Variants in SPOCK1 observed in about 807,000 individuals in gnomAD.
The protein encoded by SPOCK1 is testican-1.
A neutral mutation model predicts 55.3 loss-of-function variants in SPOCK1; 23 were observed. The observed-to-expected ratio is 0.42, with a 90% CI of 0.30 to 0.59. The LOEUF (loss-of-function observed/expected upper bound fraction) is 0.59. SPOCK1 is among the 20% of genes least tolerant of loss of function. The pLI is 0.22. For missense variants in SPOCK1, 499 were observed against 552.5 expected, an observed-to-expected ratio of 0.90 and a Z score of 0.97; for synonymous variants, 226 against 221.0, an observed-to-expected ratio of 1.02 and a Z score of -0.20.
At chr5:137,151,360 G>A (rs1202787622) in intron 3 of SPOCK1, among the ~76,000 whole-genome samples, 2 of 152,168 alleles carry the variant, frequency 1.3e-5, no homozygotes, top group Non-Finnish European at 2.9e-5. Context: ...ATATAAACTT[G>A]TATAGAAGAG....
intron 2 of SPOCK1, among the ~76,000 whole-genome samples, chr5:137,268,627 G>C (rs1756902645): frequency 6.6e-6 from 1 of 152,178 alleles, no homozygotes; most frequent in Non-Finnish European, 1.5e-5. Context: ...GATGACCAAA[G>C]TGTTCTTAGC....
chr5:137,335,054 G>A (rs1327722428), intron 2 of SPOCK1, among the ~76,000 whole-genome samples: 1 of 152,242 alleles, frequency 6.6e-6, no homozygotes, highest in African/African-American at 2.4e-5. Flanking sequence ...GTTGCCTGGG[G>A]TTAGGGTACA....
intron 2 of SPOCK1, among the ~76,000 whole-genome samples, chr5:137,369,198 C>T (rs1751144080): frequency 6.6e-6 from 1 of 152,222 alleles, no homozygotes; most frequent in South Asian, 2.1e-4. Context: ...GGTGTCTGGA[C>T]AGCAGAGGAA....
At chr5:137,179,902 C>T (rs1273037305) in intron 3 of SPOCK1, among the ~76,000 whole-genome samples, 1 of 152,200 alleles carries the variant, frequency 6.6e-6, no homozygotes, top group Non-Finnish European at 1.5e-5. Flanking sequence ...CAGGCCCCAA[C>T]CCCTCCTACC....
At chr5:137,352,989 T>C (rs1333693623) in intron 2 of SPOCK1, among the ~76,000 whole-genome samples, 1 of 151,848 alleles carries the variant, frequency 6.6e-6, no homozygotes, top group East Asian at 1.9e-4. Context: ...ATCTTTGCAG[T>C]TCTGGATTTA....
At chr5:137,431,885 G>T (rs1464318567) in intron 2 of SPOCK1, among the ~76,000 whole-genome samples, 2 of 152,086 alleles carry the variant, frequency 1.3e-5, no homozygotes, top group Non-Finnish European at 2.9e-5. Context: ...CCCCGTCTTT[G>T]GTATTCTATC....
At chr5:137,382,458 T>A (rs533512799) in intron 2 of SPOCK1, among the ~76,000 whole-genome samples, 54 of 152,314 alleles carry the variant, frequency 3.5e-4, no homozygotes, top group Non-Finnish European at 6.5e-4. Context: ...TTCACACTGA[T>A]ATAAAGAACT....
At chr5:137,199,856 G>A (rs1755382247) in intron 3 of SPOCK1, among the ~76,000 whole-genome samples, 1 of 152,222 alleles carries the variant, frequency 6.6e-6, no homozygotes, top group East Asian at 1.9e-4. Context: ...CATCAACACA[G>A]AAGCCTCTAA....
chr5:137,421,540 A>G (rs1752495123), intron 2 of SPOCK1, among the ~76,000 whole-genome samples: 1 of 152,080 alleles, frequency 6.6e-6, no homozygotes, highest in African/African-American at 2.4e-5. Context: ...TGATCCCTTT[A>G]TGATTATGTA....
At chr5:136,979,787 C>G (rs1302804632) in intron 9 of SPOCK1, among the ~76,000 whole-genome samples, 2 of 152,152 alleles carry the variant, frequency 1.3e-5, no homozygotes, top group African/African-American at 4.8e-5. Context: ...TGCAGAATCT[C>G]TTATTCCCAC....
chr5:137,030,379 A>G (rs3860102), intron 6 of SPOCK1, among the ~76,000 whole-genome samples: 128,476 of 152,294 alleles, frequency 0.84, 54,729 homozygotes, highest in South Asian at 0.95. Flanking sequence ...TGACTACGCC[A>G]TGGCAATTCG....
rs1005152831 is a variant in SPOCK1 at position 137,397,741 on chromosome 5, G to C, written c.186+100632C>G. Among the ~76,000 whole-genome samples the C allele has an allele frequency of 3.3e-5, 5 of 152,124 alleles. No individual in the cohort carries two copies. In the East Asian group the frequency reaches 9.6e-4, roughly 29 times the overall value. ...TGAGATTCATGTCCTTCTCCATCAA[G>C]TGAGAATAACACTAATACAGACTAC... On this transcript the variant is annotated intron_variant, in intron 2 of 10. Coordinates refer to ENST00000394945, the MANE Select transcript of SPOCK1 (RefSeq NM_004598.4).
At chr5:137,093,382 T>A (rs560811357) in intron 5 of SPOCK1, among the ~76,000 whole-genome samples, 67 of 152,310 alleles carry the variant, frequency 4.4e-4, no homozygotes, top group South Asian at 4.1e-4. Flanking sequence ...CCTGGCACAT[T>A]ATGAGAACTA....
At chr5:137,218,728 G>A (rs977799841) in intron 3 of SPOCK1, among the ~76,000 whole-genome samples, 5 of 152,152 alleles carry the variant, frequency 3.3e-5, no homozygotes, top group Non-Finnish European at 7.4e-5. Context: ...GAGTCCTATA[G>A]TAGCTAGTCA....
At chr5:137,370,817 T>C (rs1751185520) in intron 2 of SPOCK1, among the ~76,000 whole-genome samples, 1 of 152,236 alleles carries the variant, frequency 6.6e-6, no homozygotes, top group Non-Finnish European at 1.5e-5. Flanking sequence ...GCAAAGTTAA[T>C]GCATTTGTCA....
intron 3 of SPOCK1, among the ~76,000 whole-genome samples, chr5:137,224,959 C>T (rs1434631): frequency 0.39 from 59,835 of 151,842 alleles, 12,870 homozygotes; most frequent in Non-Finnish European, 0.47. Flanking sequence ...TAAAATAGCT[C>T]ACTTCATTTT....
intron 2 of SPOCK1, among the ~76,000 whole-genome samples, chr5:137,366,591 C>T (rs1189997784): frequency 1.3e-5 from 2 of 152,186 alleles, no homozygotes; most frequent in South Asian, 2.1e-4. Flanking sequence ...AGTCCTGCCC[C>T]ACCCCACCCA....
At chr5:137,152,377 G>C (rs1406677225) in intron 3 of SPOCK1, among the ~76,000 whole-genome samples, 1 of 152,184 alleles carries the variant, frequency 6.6e-6, no homozygotes, top group East Asian at 1.9e-4. Context: ...CATTAGCTAA[G>C]ATAAGGGCTA....
At chr5:137,415,308 G>C (rs981626952) in intron 2 of SPOCK1, among the ~76,000 whole-genome samples, 7 of 152,174 alleles carry the variant, frequency 4.6e-5, no homozygotes, top group Non-Finnish European at 8.8e-5. Context: ...AGTGCTACTG[G>C]TAATTCTCTG....
Sources: gnomAD v4.1 joint callset for allele counts (sites outside exome capture counted in the v4.1 genomes callset) on GRCh38, gnomAD v4.1.1 for gene constraint, MANE v1.5 for transcripts, NCBI Gene and HGNC (gene_info 2026-07-23, HGNC 2026-07-21) for gene names.